MBP: variants seen among roughly 807,000 people sequenced by gnomAD.
MBP encodes the protein Golli-MBP.
Under a neutral mutation model 35.8 loss-of-function variants are expected in MBP, and 16 were observed. The ratio of observed to expected loss-of-function variants is 0.45; its 90% confidence interval spans 0.30 to 0.68. The LOEUF (loss-of-function observed/expected upper bound fraction) is 0.68. Among genes scored for constraint, MBP ranks in the 30% least tolerant of loss-of-function variants. MBP has a pLI of 0.08. For synonymous variants in MBP, 143 were observed against 159.6 expected (o/e 0.90, Z 0.78); for missense variants, 380 against 404.7 (o/e 0.94, Z 0.52).
rs982036258 is a variant in MBP, at chr18:77,044,320, G to C, written c.139+21978C>G. Among the ~76,000 whole-genome samples the C allele has an allele frequency of 1.3e-5, 2 of 152,020 alleles. No homozygotes were observed. The highest frequency in any genetic ancestry group is 2.9e-5 in the Non-Finnish European group (2 of 68,016). On this transcript the variant is annotated intron_variant, in intron 3 of 8. Coordinates refer to ENST00000355994, the MANE Select transcript of MBP (RefSeq NM_001025101.2). The surrounding 1 kb of genome is among the most constrained non-coding windows in gnomAD (Gnocchi z 4.4). ...ACGGGGTCCAAACCCCTCTTCAACT[G>C]TCCTCCAAGCTTCAGGTCCACCGTG...
chr18:77,029,793 AAC>A (rs754016352), intron 3 of MBP, among the ~76,000 whole-genome samples: 3 of 150,394 alleles, frequency 2.0e-5, no homozygotes, highest in Admixed American at 6.6e-5. Context: ...CACACACACA[AAC>A]ACACACACAC....
intron 3 of MBP, among the ~76,000 whole-genome samples, chr18:77,039,010 C>T (rs2144609623): frequency 6.6e-6 from 1 of 152,190 alleles, no homozygotes; most frequent in Admixed American, 6.5e-5. Context: ...ATTTTTTTAC[C>T]TTCTAAATGG....
intron 2 of MBP, among the ~76,000 whole-genome samples, chr18:77,095,881 C>A (rs575936068): frequency 6.6e-6 from 1 of 152,292 alleles, no homozygotes; most frequent in South Asian, 2.1e-4. Flanking sequence ...ACCATTTGGG[C>A]CTGAGGACAC....
chr18:77,014,706 T>C, intron 4 of MBP: 1 of 985,422 alleles, frequency 1.0e-6, no homozygotes, highest in Non-Finnish European at 1.2e-6. Context: ...TACAACACTT[T>C]GTGATAAAAT....
At chr18:77,111,456 A>G (rs563609015) in intron 1 of MBP, among the ~76,000 whole-genome samples, 1 of 152,354 alleles carries the variant, frequency 6.6e-6, no homozygotes, top group African/African-American at 2.4e-5. Context: ...ATTCCAGAGG[A>G]TTGTCGTGCC....
At chr18:77,128,513 CG>C (rs1977132518) in intron 1 of MBP, among the ~76,000 whole-genome samples, 1 of 131,018 alleles carries the variant, frequency 7.6e-6, no homozygotes, top group East Asian at 2.1e-4. Flanking sequence ...ACTAAGCGCA[CG>C]TGCATACCAC....
At chr18:77,013,258 T>G in intron 4 of MBP, 1 of 985,444 alleles carries the variant, frequency 1.0e-6, no homozygotes. Flanking sequence ...TCAGTTACCA[T>G]GCAAGCTCAC....
At chr18:77,108,834 G>A (rs1301901675) in intron 1 of MBP, 1 of 152,222 alleles carries the variant, frequency 6.6e-6, no homozygotes, top group African/African-American at 2.4e-5. Flanking sequence ...CAAACACCTT[G>A]TTCCTAGGTA....
intron 2 of MBP, among the ~76,000 whole-genome samples, chr18:77,083,696 T>A (rs944901935): frequency 6.6e-6 from 1 of 152,254 alleles, no homozygotes; most frequent in South Asian, 2.1e-4. Context: ...CACTGATATA[T>A]GCTGTAACAT....
At chr18:77,029,011 C>T (rs1233655514) in intron 3 of MBP, among the ~76,000 whole-genome samples, 2 of 109,850 alleles carry the variant, frequency 1.8e-5, no homozygotes, top group Admixed American at 9.6e-5. Context: ...GACGGGGTGG[C>T]GGCCGGGCAG....
At chr18:77,031,050 A>T (rs1443792929) in intron 3 of MBP, among the ~76,000 whole-genome samples, 1 of 152,190 alleles carries the variant, frequency 6.6e-6, no homozygotes, top group South Asian at 2.1e-4. Flanking sequence ...AATAAAGAAA[A>T]GTTATCCAAT....
intron 2 of MBP, among the ~76,000 whole-genome samples, chr18:77,073,042 G>A (rs1974514766): frequency 6.6e-6 from 1 of 152,148 alleles, no homozygotes; most frequent in African/African-American, 2.4e-5. Context: ...AGATTTCTAG[G>A]ATTTCTAATG....
rs1412321897 is a variant in MBP, at chr18:77,101,467, C to T, written c.51+3744G>A. On this transcript the variant is annotated intron_variant, in intron 2 of 8. Coordinates refer to ENST00000355994, the MANE Select transcript of MBP (RefSeq NM_001025101.2). The surrounding 1 kb of genome is among the most constrained non-coding windows in gnomAD (Gnocchi z 4.3). ...CTGCGCCTGCCTGGAGGAAGTTACACTCCATCCGCATGAGTGAATCATGAG... is the reference window on the plus strand; with the variant it reads ...CTGCGCCTGCCTGGAGGAAGTTACATTCCATCCGCATGAGTGAATCATGAG... 6.6e-6 allele frequency among the ~76,000 whole-genome samples: 1 copy of T among 152,176 alleles called. No homozygotes were observed. The highest frequency in any genetic ancestry group is 6.5e-5 in the Admixed American group (1 of 15,282).
intron 7 of MBP, chr18:76,985,420 T>C: frequency 8.3e-7 from 1 of 1,207,650 alleles, no homozygotes; most frequent in Non-Finnish European, 1.0e-6. Flanking sequence ...GCCCTGTGGT[T>C]CTAGGATCTG....
chr18:77,036,945 T>A (rs1972797427), intron 3 of MBP, among the ~76,000 whole-genome samples: 1 of 59,182 alleles, frequency 1.7e-5, no homozygotes, highest in Non-Finnish European at 3.2e-5. Context: ...CAAGTGCTGG[T>A]CACATTTTGG....
intron 2 of MBP, among the ~76,000 whole-genome samples, chr18:77,085,542 C>T (rs868521210): frequency 7.9e-5 from 12 of 152,132 alleles, no homozygotes; most frequent in South Asian, 2.1e-4. Flanking sequence ...TCAGCTAGCG[C>T]GGAGCCAATG....
intron 4 of MBP, chr18:77,005,229 AC>A (rs770971262): frequency 1.1e-4 from 17 of 152,256 alleles, no homozygotes; most frequent in Admixed American, 6.5e-5. Flanking sequence ...GACAAACGGC[AC>A]CTGTCAGAGG....
At chr18:77,085,843 C>T (rs111667372) in intron 2 of MBP, among the ~76,000 whole-genome samples, 208 of 152,096 alleles carry the variant, frequency 1.4e-3, no homozygotes, top group African/African-American at 4.7e-3. Context: ...CACCACCACG[C>T]CGGCTAATTT....
chr18:77,004,940 T>G (rs2123336654), intron 4 of MBP: 1 of 152,334 alleles, frequency 6.6e-6, no homozygotes, highest in South Asian at 2.1e-4. Flanking sequence ...CGTGGCCTCC[T>G]TTGGGGGCCT....
Sources: gnomAD v4.1 joint callset for allele counts (sites outside exome capture counted in the v4.1 genomes callset) on GRCh38, gnomAD v4.1.1 for gene constraint, Gnocchi (gnomAD v3.1) non-coding constraint, MANE v1.5 for transcripts, NCBI Gene and HGNC (gene_info 2026-07-23, HGNC 2026-07-21) for gene names.